Variants in TRDN observed in about 807,000 individuals in gnomAD.
TRDN encodes the protein triadin in skeletal muscle.
TRDN carries 161 observed loss-of-function variants against 149.7 expected under a neutral mutation model. That is an observed-to-expected ratio of 1.08 (90% CI 0.95 to 1.23). TRDN has a LOEUF of 1.23. Among genes scored for constraint, TRDN ranks in the 50% most tolerant of loss-of-function variants. TRDN has a pLI of 0.00. For missense variants in TRDN, 896 were observed against 823.5 expected (o/e 1.09, Z -1.08); for synonymous variants, 294 against 250.5 (o/e 1.17, Z -1.64).
intron 9 of TRDN, among the ~76,000 whole-genome samples, chr6:123,467,229 G>C (rs531936899): frequency 6.6e-6 from 1 of 151,484 alleles, no homozygotes; most frequent in Admixed American, 6.6e-5. Flanking sequence ...AGTCTTGAAA[G>C]AGAGTAGGTT....
At chr6:123,301,768 T>TATATATATACATATATATATATATATAC in intron 24 of TRDN, among the ~76,000 whole-genome samples, 1 of 92,752 alleles carries the variant, frequency 1.1e-5, no homozygotes. Flanking sequence ...TATATATATA[T>TATATATATACATATATATATATATATAC]ACATATATAT....
Position 123,503,294 on chromosome 6 carries a change from T to C in TRDN, c.793+425A>G, listed in dbSNP as rs183313843. On this transcript the variant is annotated intron_variant, in intron 8 of 40. Coordinates refer to ENST00000334268, the MANE Select transcript of TRDN (RefSeq NM_006073.4). ...ATGTATGGATAGTTTTTATGATATT[T>C]ACTCTATATGATTCCAACATGTACC... 1.3e-4 allele frequency: 132 copies of C among 985,388 alleles called. No homozygotes were observed. In the Middle Eastern group the frequency reaches 1.6e-3, roughly 12 times the overall value. 61.0% of individuals were successfully genotyped at this position (985,388 alleles called of 1,614,324 possible).
chr6:123,589,357 G>T (rs1783670882), intron 1 of TRDN, among the ~76,000 whole-genome samples: 1 of 150,130 alleles, frequency 6.7e-6, no homozygotes, highest in Admixed American at 6.8e-5. Flanking sequence ...TTTTCTTCCT[G>T]GGCCAAATTT....
rs769305119 is a variant in TRDN, at chr6:123,279,101, A to T, written c.1511-19T>A. 6.3e-7 allele frequency: 1 copy of T among 1,597,904 alleles called. No homozygotes were observed. Among genetic ancestry groups the T allele is most frequent in the South Asian group, 1.1e-5 (1 of 89,584 alleles). On this transcript the variant is annotated intron_variant, in intron 24 of 40. Coordinates refer to ENST00000334268, the MANE Select transcript of TRDN (RefSeq NM_006073.4). Reference sequence around the variant, plus strand: ...TCTTTGCCTAGAAAAAAGTAAAAAAATTATTAAAGGCTGAGTCATACAATT... The same window carrying T: ...TCTTTGCCTAGAAAAAAGTAAAAAATTTATTAAAGGCTGAGTCATACAATT...
intron 12 of TRDN, among the ~76,000 whole-genome samples, chr6:123,434,790 T>C (rs545663945): frequency 6.6e-6 from 1 of 152,224 alleles, no homozygotes; most frequent in Non-Finnish European, 1.5e-5. Context: ...TACATAATGT[T>C]TTTAATTGGC....
chr6:123,233,487 CCAGGATAAACACGG>C (rs1275968831), intron 38 of TRDN, among the ~76,000 whole-genome samples: 2 of 151,968 alleles, frequency 1.3e-5, no homozygotes, highest in Non-Finnish European at 2.9e-5. Context: ...CCCATCACTC[CCAGGATAAACACGG>C]CTCTCTTGAG....
At chr6:123,562,212 T>C (rs1349788665) in intron 2 of TRDN, among the ~76,000 whole-genome samples, 9 of 151,874 alleles carry the variant, frequency 5.9e-5, no homozygotes, top group Admixed American at 5.9e-4. Context: ...CCTACCCGAA[T>C]CTTATAAAAT....
At position 123,432,433 on chromosome 6, in the gene TRDN, CAA is replaced by C. The variant is rs35511361; in HGVS notation, c.1051+5628_1051+5629del. 8.4e-3 allele frequency among the ~76,000 whole-genome samples: 1,213 copies of C among 144,226 alleles called. 17 individuals are homozygous for C. The highest frequency in any genetic ancestry group is 0.029 in the African/African-American group (1,130 of 39,622). 94.6% of individuals were successfully genotyped at this position (144,226 alleles called of 152,430 possible). ...ATCACAGCACCTGTGGTATTATCTC[CAA>C]AAAAAAAAAAGAGTAGTTTTCACCA... On this transcript the variant is annotated intron_variant, in intron 12 of 40. Coordinates refer to ENST00000334268, the MANE Select transcript of TRDN (RefSeq NM_006073.4).
Position 123,278,331 on chromosome 6 carries a change from C to CT in TRDN, c.1553dup (p.Glu519GlyfsTer9). 2 of 1,295,348 alleles carry CT rather than the reference C, an allele frequency of 1.5e-6. No homozygotes were observed. Among genetic ancestry groups the CT allele is most frequent in the Non-Finnish European group, 2.1e-6 (2 of 961,116 alleles). The allele number at this position is 1,295,348 out of a possible 1,614,324, so 80.2% of individuals were successfully genotyped here. A position where few individuals can be genotyped will look rare whatever the true frequency, so the allele number is the denominator to read the frequency against. ...AAATATACATACCTGGCTTCTCTTCCTTTTTTCCTTGTAGTTCTAAAAATA... is the reference window on the plus strand; with the variant it reads ...AAATATACATACCTGGCTTCTCTTCCTTTTTTTCCTTGTAGTTCTAAAAATA... On this transcript the variant is annotated frameshift_variant, in exon 26 of 41. Transcript: ENST00000334268. LOFTEE classifies it high-confidence loss of function.
intron 35 of TRDN, among the ~76,000 whole-genome samples, chr6:123,258,233 C>A (rs777532865): frequency 3.3e-5 from 5 of 152,110 alleles, no homozygotes; most frequent in African/African-American, 4.8e-5. Context: ...GGGAATGCTT[C>A]CAGCTTTTGC....
chr6:123,251,178 T>A (rs889728512), intron 38 of TRDN, among the ~76,000 whole-genome samples: 3 of 152,244 alleles, frequency 2.0e-5, no homozygotes, highest in African/African-American at 4.8e-5. Context: ...TTCCTTTTTT[T>A]AAATTCCTGA....
chr6:123,277,327 A>T (rs1777403455), intron 26 of TRDN, among the ~76,000 whole-genome samples: 1 of 152,120 alleles, frequency 6.6e-6, no homozygotes, highest in African/African-American at 2.4e-5. Flanking sequence ...GGATGGGGTG[A>T]ACATATTTTG....
intron 12 of TRDN, among the ~76,000 whole-genome samples, chr6:123,406,039 A>C (rs1582978599): frequency 6.6e-6 from 1 of 152,208 alleles, no homozygotes; most frequent in Admixed American, 6.6e-5. Flanking sequence ...TTTCTAAAAA[A>C]CTGCATTGAT....
At chr6:123,632,525 C>T (rs1786059253) in intron 1 of TRDN, among the ~76,000 whole-genome samples, 1 of 152,032 alleles carries the variant, frequency 6.6e-6, no homozygotes, top group Non-Finnish European at 1.5e-5. Flanking sequence ...TTTAACTGTG[C>T]CTTTCACCAT....
intron 8 of TRDN, 120 bp from the exon 9 acceptor site, chr6:123,497,372 T>C: frequency 1.7e-6 from 1 of 591,854 alleles, no homozygotes; most frequent in Non-Finnish European, 2.7e-6. Context: ...TACTACAATA[T>C]TTTCTGTAAA....
chr6:123,332,633 T>G (rs115132476), intron 22 of TRDN, among the ~76,000 whole-genome samples: 27 of 152,160 alleles, frequency 1.8e-4, no homozygotes, highest in African/African-American at 6.5e-4. Context: ...AATAAAACAT[T>G]AACACATTTT....
At chr6:123,536,855 G>T (rs552277978) in intron 4 of TRDN, among the ~76,000 whole-genome samples, 1 of 152,074 alleles carries the variant, frequency 6.6e-6, no homozygotes, top group African/African-American at 2.4e-5. Flanking sequence ...CTGCATTTCC[G>T]CCTGGGCAGC....
At chr6:123,340,571 C>A (rs1780028664) in intron 21 of TRDN, among the ~76,000 whole-genome samples, 1 of 152,008 alleles carries the variant, frequency 6.6e-6, no homozygotes, top group Non-Finnish European at 1.5e-5. Context: ...ATTCAAAATT[C>A]TTAATCTTTC....
chr6:123,316,380 T>C, intron 24 of TRDN, 77 bp downstream of exon 24: 2 of 1,372,092 alleles, frequency 1.5e-6, no homozygotes, highest in Non-Finnish European at 2.1e-6. Flanking sequence ...CAGCCAGGAT[T>C]GTAAAACTGT....
Sources: gnomAD v4.1 joint callset for allele counts (sites outside exome capture counted in the v4.1 genomes callset) on GRCh38, gnomAD v4.1.1 for gene constraint, MANE v1.5 for transcripts, NCBI Gene and HGNC (gene_info 2026-07-23, HGNC 2026-07-21) for gene names.